Variants in PDE11A observed in about 807,000 individuals in gnomAD.
PDE11A encodes dual 3',5'-cyclic-AMP and -GMP phosphodiesterase 11A.
In PDE11A, 100 loss-of-function variants were observed where a neutral mutation model predicts 100.5. The observed-to-expected ratio is 1.00, with a 90% CI of 0.85 to 1.18. The LOEUF (loss-of-function observed/expected upper bound fraction) is 1.18. Ranked by LOEUF, PDE11A falls within the 50% of genes most tolerant of loss-of-function variation. The pLI is 0.00. For missense variants in PDE11A, 1,141 were observed against 1,152.6 expected, an observed-to-expected ratio of 0.99 and a Z score of 0.15; for synonymous variants, 381 against 420.8, an observed-to-expected ratio of 0.91 and a Z score of 1.16.
At chr2:177,843,055 GA>G (rs2083516922) in intron 5 of PDE11A, among the ~76,000 whole-genome samples, 1 of 152,166 alleles carries the variant, frequency 6.6e-6, no homozygotes, top group African/African-American at 2.4e-5. Context: ...AAGGGAGAAA[GA>G]GAAGAAATTT....
At chr2:177,630,190 AG>A (rs1326603125) in intron 19 of PDE11A, among the ~76,000 whole-genome samples, 6 of 152,176 alleles carry the variant, frequency 3.9e-5, no homozygotes, top group African/African-American at 1.4e-4. Flanking sequence ...ATGAGGGAAG[AG>A]GAAATGTAGG....
chr2:177,735,637 A>G (rs182949820), intron 10 of PDE11A, among the ~76,000 whole-genome samples: 1 of 152,306 alleles, frequency 6.6e-6, no homozygotes, highest in Non-Finnish European at 1.5e-5. Context: ...CCCCATTGTT[A>G]ACAAAAAAAC....
At chr2:177,786,856 C>T (rs909006265) in intron 9 of PDE11A, among the ~76,000 whole-genome samples, 24 of 151,774 alleles carry the variant, frequency 1.6e-4, no homozygotes, top group South Asian at 1.0e-3. Flanking sequence ...TAAAAAGAAA[C>T]GAACAAAGCC....
chr2:177,894,647 C>T (rs75466173), intron 4 of PDE11A, among the ~76,000 whole-genome samples: 2,837 of 152,192 alleles, frequency 0.019, 51 homozygotes, highest in South Asian at 0.046. Context: ...ATAAGACTCA[C>T]GAAACAGACT....
intron 2 of PDE11A, among the ~76,000 whole-genome samples, chr2:177,935,786 C>A (rs1019558682): frequency 4.6e-5 from 7 of 152,114 alleles, no homozygotes; most frequent in Admixed American, 2.0e-4. Context: ...ACCATAAATG[C>A]GATGTTGAGC....
At position 177,711,012 on chromosome 2, in the gene PDE11A, T is replaced by C. The variant is rs190480461; in HGVS notation, c.2153+757A>G. On this transcript the variant is annotated intron_variant, in intron 13 of 19. Coordinates refer to ENST00000286063, the MANE Select transcript of PDE11A (RefSeq NM_016953.4). ...CTGTCTTTTGTTTGCAGGCAGACAG[T>C]GAAAGAAACATTAACGGCAGACTCT... 2.4e-3 allele frequency among the ~76,000 whole-genome samples: 359 copies of C among 152,256 alleles called. 1 individual carries two copies. The highest frequency in any genetic ancestry group is 8.3e-3 in the Admixed American group (127 of 15,296).
chr2:177,900,731 C>A (rs1261725504), intron 3 of PDE11A, among the ~76,000 whole-genome samples: 1 of 151,554 alleles, frequency 6.6e-6, no homozygotes, highest in Non-Finnish European at 1.5e-5. Context: ...GCACTACAGC[C>A]TGGATGACAG....
Position 177,770,453 on chromosome 2 carries a change from C to T in PDE11A, c.1738-1080G>A, listed in dbSNP as rs528701669. 8.5e-5 allele frequency among the ~76,000 whole-genome samples: 13 copies of T among 152,378 alleles called. 1 individual carries two copies. The highest frequency in any genetic ancestry group is 4.1e-4 in the South Asian group (2 of 4,830). On this transcript the variant is annotated intron_variant, in intron 9 of 19. Coordinates refer to ENST00000286063, the MANE Select transcript of PDE11A (RefSeq NM_016953.4). ...GGCTTAAAAGTTAAAAACCCCAATT[C>T]GCAGGCTCCCTGCAGCTGGGGTGGT...
At chr2:177,842,178 G>A (rs557705848) in intron 5 of PDE11A, among the ~76,000 whole-genome samples, 3 of 152,238 alleles carry the variant, frequency 2.0e-5, no homozygotes, top group African/African-American at 4.8e-5. Context: ...ACACCGTTTC[G>A]AAGCTGCTGA....
intron 9 of PDE11A, among the ~76,000 whole-genome samples, chr2:177,809,907 T>C (rs2082923283): frequency 6.6e-6 from 1 of 152,184 alleles, no homozygotes; most frequent in African/African-American, 2.4e-5. Flanking sequence ...TTTCATCCAG[T>C]GAGAGAAAAT....
chr2:177,878,322 C>T (rs1016525976), intron 4 of PDE11A, among the ~76,000 whole-genome samples: 3 of 152,182 alleles, frequency 2.0e-5, no homozygotes, highest in Non-Finnish European at 4.4e-5. Context: ...GTGGTAGGAT[C>T]TACGTCCTCT....
chr2:177,792,246 A>C (rs532192319), intron 9 of PDE11A, among the ~76,000 whole-genome samples: 2 of 152,322 alleles, frequency 1.3e-5, no homozygotes, highest in African/African-American at 4.8e-5. Context: ...CTCATTAATA[A>C]GAACAGAGAA....
At chr2:178,036,219 A>T (rs2086611209) in intron 1 of PDE11A, among the ~76,000 whole-genome samples, 1 of 152,206 alleles carries the variant, frequency 6.6e-6, no homozygotes, top group South Asian at 2.1e-4. Flanking sequence ...AAGCATTCCT[A>T]TATATCAACA....
intron 2 of PDE11A, among the ~76,000 whole-genome samples, chr2:178,006,304 G>T (rs2086210092): frequency 6.6e-6 from 1 of 152,204 alleles, no homozygotes; most frequent in South Asian, 2.1e-4. Context: ...ACTTAGGTCT[G>T]AGATGACAGA....
intron 1 of PDE11A, among the ~76,000 whole-genome samples, chr2:178,069,825 G>A (rs2087101772): frequency 6.6e-6 from 1 of 152,194 alleles, no homozygotes; most frequent in Admixed American, 6.5e-5. Context: ...ATAAAGGTTA[G>A]GGCCTGAAAG....
intron 10 of PDE11A, among the ~76,000 whole-genome samples, chr2:177,733,029 T>C (rs868809261): frequency 6.6e-6 from 1 of 152,208 alleles, no homozygotes; most frequent in East Asian, 1.9e-4. Flanking sequence ...TAGCCTTCCA[T>C]TGACAAATTC....
intron 2 of PDE11A, among the ~76,000 whole-genome samples, chr2:177,977,454 G>T (rs2085824048): frequency 8.0e-6 from 1 of 125,340 alleles, no homozygotes; most frequent in African/African-American, 3.1e-5. Context: ...CAAACAAATG[G>T]AAGAACATTC....
At chr2:178,001,372 G>A (rs1319573163) in intron 2 of PDE11A, among the ~76,000 whole-genome samples, 2 of 150,234 alleles carry the variant, frequency 1.3e-5, no homozygotes, top group Admixed American at 1.3e-4. Flanking sequence ...TATACTCCAG[G>A]GATATTCAGA....
At chr2:177,682,637 C>T (rs1252364755) in intron 15 of PDE11A, among the ~76,000 whole-genome samples, 1 of 152,178 alleles carries the variant, frequency 6.6e-6, no homozygotes, top group Non-Finnish European at 1.5e-5. Flanking sequence ...TTGGCACTTG[C>T]TAATGAGAGA....
Sources: gnomAD v4.1 joint callset for allele counts (sites outside exome capture counted in the v4.1 genomes callset) on GRCh38, gnomAD v4.1.1 for gene constraint, MANE v1.5 for transcripts, NCBI Gene and HGNC (gene_info 2026-07-23, HGNC 2026-07-21) for gene names.